The following HEMGN variants were observed in gnomAD, a reference collection of about 807,000 sequenced individuals.
HEMGN encodes hemogen.
A neutral mutation model predicts 45.7 loss-of-function variants in HEMGN; 32 were observed. That is an observed-to-expected ratio of 0.70 (90% CI 0.53 to 0.94). HEMGN has a LOEUF of 0.94. Among genes scored for constraint, HEMGN ranks in the 40% least tolerant of loss-of-function variants. The pLI, the probability that HEMGN is intolerant of heterozygous loss-of-function variation, is 0.00. For missense variants in HEMGN, 530 were observed against 564.2 expected, an observed-to-expected ratio of 0.94 and a Z score of 0.61; for synonymous variants, 183 against 178.6, an observed-to-expected ratio of 1.02 and a Z score of -0.20.
intron 1 of HEMGN, among the ~76,000 whole-genome samples, chr9:97,937,707 G>A (rs1298420501): frequency 6.6e-6 from 1 of 152,036 alleles, no homozygotes; most frequent in East Asian, 1.9e-4. Context: ...TTAAAACAAT[G>A]TCTTAAGGTA....
In HEMGN at chr9:97,927,534, ACT is replaced by A; in HGVS notation, c.1361-58_1361-57del. On this transcript the variant is annotated intron_variant, in intron 3 of 3. Transcript: ENST00000616898. ...TCAATAAATTGTATTGGGACAATTG[ACT>A]CTCCATTTGGAGGAAGAAAAACTGC... is the stretch of plus-strand genomic sequence containing the variant. 3.3e-6 allele frequency: 4 copies of A among 1,196,692 alleles called. No homozygotes were observed. In the Admixed American group the frequency reaches 5.3e-5, roughly 16 times the overall value. 74.1% of individuals were successfully genotyped at this position (1,196,692 alleles called of 1,614,324 possible).
Position 97,943,932 on chromosome 9 carries a change from G to C in HEMGN, c.-56+836C>G, listed in dbSNP as rs1327366879. 2.0e-5 allele frequency among the ~76,000 whole-genome samples: 3 copies of C among 151,892 alleles called. No homozygotes were observed. The East Asian group carries it at 5.8e-4, about 29-fold the overall frequency. On this transcript the variant is annotated intron_variant, in intron 1 of 4. Transcript: ENST00000259456. ...AGTACTCCTATCCTCCATGAAATTTGCTCCACTTTTGGCCTCTCTGATGGT... is the reference window on the plus strand; with the variant it reads ...AGTACTCCTATCCTCCATGAAATTTCCTCCACTTTTGGCCTCTCTGATGGT...
chr9:97,931,235 A>G lies in HEMGN; in HGVS notation c.174-14T>C. On this transcript the variant is annotated splice_polypyrimidine_tract_variant and intron_variant, in intron 2 of 3. Transcript: ENST00000616898. Reference sequence around the variant, plus strand: ...TTTTTCTGTTCTCTGCAGAAAGAACAGAATTAGTGTCAGCAGTGGTACTAC... The same window carrying G: ...TTTTTCTGTTCTCTGCAGAAAGAACGGAATTAGTGTCAGCAGTGGTACTAC... 1 of 1,575,002 alleles carries G rather than the reference A, an allele frequency of 6.3e-7. No individual in the cohort carries two copies. The highest frequency in any genetic ancestry group is 1.2e-5 in the South Asian group (1 of 84,876).
In HEMGN at chr9:97,930,995, A is replaced by G. The variant is rs111240053; in HGVS notation, c.400T>C (p.Ser134Pro). 2.2e-5 allele frequency: 36 copies of G among 1,614,160 alleles called. No individual in the cohort carries two copies. In the African/African-American group the frequency reaches 2.4e-4, roughly 11 times the overall value. The change falls in exon 3 of 4, where the codon TCT (serine) becomes CCT (proline). Residue 134 changes from serine (S) to proline (P), a missense_variant. Ser to Pro is a moderately conservative substitution (Grantham distance 74, BLOSUM62 -1). Coordinates refer to ENST00000616898, the MANE Select transcript of HEMGN (RefSeq NM_197978.3). ...PQKVVPEEHFSEICQESNIYQ... is the reference protein window; with the variant it reads ...PQKVVPEEHFPEICQESNIYQ... ...ATGTTACTTTCTTGACATATTTCAGAAAAGTGTTCCTCAGGCACAACTTTT... is the reference window on the plus strand; with the variant it reads ...ATGTTACTTTCTTGACATATTTCAGGAAAGTGTTCCTCAGGCACAACTTTT...
At chr9:97,936,810 TAG>T (rs1827069834) in intron 1 of HEMGN, among the ~76,000 whole-genome samples, 1 of 152,248 alleles carries the variant, frequency 6.6e-6, no homozygotes, top group Admixed American at 6.5e-5. Context: ...ATTGAGCATT[TAG>T]ATTGTTGCTA....
chr9:97,938,061 G>A lies in HEMGN; in HGVS notation c.76C>T (p.Pro26Ser). Residue 26 changes from proline (P) to serine (S), a missense_variant, in exon 1 of 4, where the codon CCA becomes TCA. Transcript: ENST00000616898. ...PDPHQEENHS[P>S]EVIGTWSLRN... The stretch of plus-strand genomic sequence containing the variant: ...CTCTTAAGGTATTTTTCATTACCTG[G>A]AGAATGGTTCTCTTCTTGATGAGGG... 1 of 1,600,900 alleles carries A rather than the reference G, an allele frequency of 6.2e-7. No homozygotes were observed.
rs202223659 is a variant in HEMGN at position 97,938,127 on chromosome 9, C to T, written c.10G>A (p.Gly4Arg). Residue 4 changes from glycine (G) to arginine (R), a missense_variant, in exon 1 of 4, where the codon GGA becomes AGA. Transcript: ENST00000616898. ...TGCTTCAAATGAGATTGGTCCTTTC[C>T]CAAATCCATCTTGCTGCAATACCTT... MDLGKDQSHLKHHQ... is the reference protein window; with the variant it reads MDLRKDQSHLKHHQ... 4.3e-6 allele frequency: 7 copies of T among 1,611,292 alleles called. No individual in the cohort carries two copies. In the Admixed American group the frequency reaches 1.0e-4, roughly 23 times the overall value.
At position 97,927,362 on chromosome 9, in the gene HEMGN, A is replaced by G; in HGVS notation, c.*22T>C. ...ATTAAGCTGTATGTTCCATTGGACC[A>G]CAACTTTATGGTTGAGCATTGTTAA... On this transcript the variant is annotated 3_prime_UTR_variant, in exon 4 of 4. Coordinates refer to ENST00000616898, the MANE Select transcript of HEMGN (RefSeq NM_197978.3). 1 of 1,413,562 alleles carries G rather than the reference A, an allele frequency of 7.1e-7. No individual in the cohort carries two copies. Among genetic ancestry groups the G allele is most frequent in the Non-Finnish European group, 9.9e-7 (1 of 1,011,272 alleles). The allele number at this position is 1,413,562 out of a possible 1,614,324, so 87.6% of individuals were successfully genotyped here.
rs1012120755 is a variant in HEMGN, at chr9:97,928,059, C to G, written c.1361-581G>C. ...TTTTTTTTTTTGAGCCGGAGTCTCG[C>G]TCTGTCGCCCAGGCTGGAGTGCAGT... is the stretch of plus-strand genomic sequence containing the variant. On this transcript the variant is annotated intron_variant, in intron 3 of 3. Coordinates refer to ENST00000616898, the MANE Select transcript of HEMGN (RefSeq NM_197978.3). 2.1e-4 allele frequency among the ~76,000 whole-genome samples: 31 copies of G among 145,986 alleles called. 1 individual carries two copies. The highest frequency in any genetic ancestry group is 7.8e-4 in the African/African-American group (31 of 39,504).
intron 3 of HEMGN, 64 bp from the exon 4 acceptor site, chr9:97,927,542 T>G: frequency 9.0e-7 from 1 of 1,116,446 alleles, no homozygotes; most frequent in Non-Finnish European, 1.3e-6. Context: ...TGACTCTCCA[T>G]TTGGAGGAAG....
chr9:97,934,780 A>G (rs1827027266), intron 2 of HEMGN, among the ~76,000 whole-genome samples: 2 of 152,290 alleles, frequency 1.3e-5, no homozygotes, highest in African/African-American at 2.4e-5. Flanking sequence ...AACTAAAACA[A>G]TAATTGGTAC....
chr9:97,937,827 C>T (rs1390604856), intron 1 of HEMGN, among the ~76,000 whole-genome samples: 3 of 152,174 alleles, frequency 2.0e-5, no homozygotes, highest in South Asian at 2.1e-4. Context: ...GCTCTCACCA[C>T]TTATTGCCAG....
At chr9:97,943,704 T>G (rs1446373696) in intron 1 of HEMGN, among the ~76,000 whole-genome samples, 2 of 152,202 alleles carry the variant, frequency 1.3e-5, no homozygotes, top group Non-Finnish European at 2.9e-5. Flanking sequence ...ATCCCTGTCC[T>G]TTCATTTCTG....
In HEMGN at chr9:97,930,409, C is replaced by A. The variant is rs1375571932; in HGVS notation, c.986G>T (p.Cys329Phe). Residue 329 changes from cysteine (C) to phenylalanine (F), a missense_variant, in exon 3 of 4, where the codon TGT becomes TTT. Transcript: ENST00000616898. ...GGCTTTAGGCACAATAATTTCGTTA[C>A]ATGTTTTATGAGGAAGGTATTTAGG... ...AEPKYLPHKT[C>F]NEIIVPKAPS... The A allele has an allele frequency of 6.2e-7, 1 of 1,613,980 alleles. No individual in the cohort carries two copies. The highest frequency in any genetic ancestry group is 1.7e-5 in the Admixed American group (1 of 60,006).
chr9:97,942,888 G>A (rs1827172563), upstream of HEMGN, among the ~76,000 whole-genome samples: 1 of 152,160 alleles, frequency 6.6e-6, no homozygotes, highest in South Asian at 2.1e-4. Flanking sequence ...AGGCTATATT[G>A]ATAAAAATTA....
upstream of HEMGN, among the ~76,000 whole-genome samples, chr9:97,940,275 T>C (rs1219101998): frequency 6.6e-6 from 1 of 152,194 alleles, no homozygotes; most frequent in Admixed American, 6.6e-5. Context: ...GGAGAAAGTG[T>C]GTACATCTGT....
intron 2 of HEMGN, among the ~76,000 whole-genome samples, chr9:97,931,591 C>G (rs1352841373): frequency 1.3e-5 from 2 of 152,188 alleles, no homozygotes; most frequent in Admixed American, 1.3e-4. Context: ...GGTTTATACA[C>G]TAGTCTCTTT....
chr9:97,929,160 T>C (rs1371361236), intron 3 of HEMGN, among the ~76,000 whole-genome samples: 1 of 152,192 alleles, frequency 6.6e-6, no homozygotes, highest in Admixed American at 6.5e-5. Context: ...GGACGCTGTG[T>C]TGGTTAGAGC....
upstream of HEMGN, among the ~76,000 whole-genome samples, chr9:97,940,643 G>T (rs1400930864): frequency 6.6e-6 from 1 of 152,206 alleles, no homozygotes; most frequent in Non-Finnish European, 1.5e-5. Context: ...AGAATTTCCA[G>T]AATGTGTGTT....
Sources: allele counts gnomAD v4.1 joint callset (sites outside exome capture counted in the v4.1 genomes callset), GRCh38; gene constraint gnomAD v4.1.1; transcripts MANE v1.5; gene names NCBI Gene and HGNC (gene_info 2026-07-23, HGNC 2026-07-21).